PHIP: variants seen among roughly 807,000 people sequenced by gnomAD.
PHIP encodes PHIP subunit of CUL4-Ring ligase complex, also known as PH-interacting protein.
In PHIP, 54 loss-of-function variants were observed where a neutral mutation model predicts 236.8. The observed-to-expected ratio is 0.23, with a 90% confidence interval of 0.18 to 0.29. The LOEUF is 0.29. Ranked by LOEUF, PHIP falls within the 10% of genes least tolerant of loss-of-function variation. The probability of loss-of-function intolerance (pLI) is 1.00; values close to 1 mark genes in which losing one functional copy is unlikely to be tolerated. For synonymous variants in PHIP, 756 were observed against 718.9 expected (o/e 1.05, Z -0.83); for missense variants, 1,370 against 2,190.8 (o/e 0.63, Z 7.48).
intron 25 of PHIP, 138 bp from the exon 26 acceptor site, chr6:78,970,311 T>G (rs535705200): frequency 1.5e-6 from 1 of 665,164 alleles, no homozygotes; most frequent in Admixed American, 3.0e-5. Flanking sequence ...AAAAATTCAC[T>G]GAGCTCTGTA....
intron 15 of PHIP, among the ~76,000 whole-genome samples, chr6:79,005,390 G>A (rs1008864038): frequency 9.2e-5 from 14 of 151,732 alleles, no homozygotes; most frequent in Admixed American, 8.5e-4. Context: ...AAGACTATAA[G>A]TACAAATTCA....
At chr6:78,971,022 T>C (rs1767502711) in intron 24 of PHIP, 134 bp from the exon 25 acceptor site, 1 of 618,036 alleles carries the variant, frequency 1.6e-6, no homozygotes, top group South Asian at 2.1e-5. Context: ...TTCTCCCTCC[T>C]CCTTTCTCTC....
chr6:79,078,131 T>C lies in PHIP; in HGVS notation c.-63A>G. On this transcript the variant is annotated 5_prime_UTR_variant, in exon 1 of 40. Coordinates refer to ENST00000275034, the MANE Select transcript of PHIP (RefSeq NM_017934.7). ...CGCCGCCGAGGGGAAGCGGGGACGG[T>C]GCCGCCGCCTGCCCTATAGCTGTCA... is the stretch of plus-strand genomic sequence containing the variant. 4.6e-6 allele frequency: 7 copies of C among 1,513,902 alleles called. No individual in the cohort carries two copies. Among genetic ancestry groups the C allele is most frequent in the African/African-American group, 1.4e-5 (1 of 72,608 alleles). 93.8% of individuals were successfully genotyped at this position (1,513,902 alleles called of 1,614,324 possible).
chr6:79,067,472 GTTATA>G (rs1773679146), intron 4 of PHIP, among the ~76,000 whole-genome samples: 1 of 152,122 alleles, frequency 6.6e-6, no homozygotes, highest in East Asian at 1.9e-4. Context: ...AAAATATCAT[GTTATA>G]TTATTTAGAG....
intron 17 of PHIP, among the ~76,000 whole-genome samples, chr6:79,000,860 C>A (rs1769940943): frequency 6.6e-6 from 1 of 152,090 alleles, no homozygotes; most frequent in Non-Finnish European, 1.5e-5. Context: ...GGAGTAGCAG[C>A]AGGAATGATT....
chr6:79,075,067 T>C (rs767682760), intron 4 of PHIP, among the ~76,000 whole-genome samples: 1 of 152,158 alleles, frequency 6.6e-6, no homozygotes, highest in Non-Finnish European at 1.5e-5. Flanking sequence ...CAACTCGATA[T>C]ACAACAACGT....
intron 10 of PHIP, among the ~76,000 whole-genome samples, chr6:79,018,884 T>C (rs1430894199): frequency 6.6e-6 from 1 of 152,000 alleles, no homozygotes; most frequent in African/African-American, 2.4e-5. Flanking sequence ...AAAACAGTCA[T>C]GTGATTATAT....
chr6:79,052,277 A>G (rs1772833396), intron 6 of PHIP, among the ~76,000 whole-genome samples: 2 of 152,344 alleles, frequency 1.3e-5, no homozygotes, highest in South Asian at 4.1e-4. Flanking sequence ...ATGTGAGCGC[A>G]GCATATTCCA....
At chr6:78,946,988 GT>G (rs1773856725) in intron 36 of PHIP, 114 bp from the exon 37 acceptor site, 2 of 571,336 alleles carry the variant, frequency 3.5e-6, no homozygotes, top group Non-Finnish European at 5.9e-6. Flanking sequence ...TTTAATTATT[GT>G]TTTTTACATC....
In PHIP at chr6:78,975,739, CAGAG is replaced by C. The variant is rs1253738668; in HGVS notation, c.2889+2849_2889+2852del. 2.6e-5 allele frequency among the ~76,000 whole-genome samples: 4 copies of C among 152,076 alleles called. No homozygotes were observed. In the South Asian group the frequency reaches 6.2e-4, roughly 24 times the overall value. ...TTCCTATACACCAACAACGGACAAA[CAGAG>C]AGCCAAATCATGAGTGAACTCCCAT... On this transcript the variant is annotated intron_variant, in intron 24 of 39. Transcript: ENST00000275034.
chr6:78,970,456 T>C (rs185452897), intron 25 of PHIP, among the ~76,000 whole-genome samples: 278 of 152,270 alleles, frequency 1.8e-3, no homozygotes, highest in Non-Finnish European at 3.4e-3. Flanking sequence ...CAAAGACCTA[T>C]TGGTAACTGA....
chr6:78,957,002 A>G (rs892588255), intron 32 of PHIP: 2 of 152,090 alleles, frequency 1.3e-5, no homozygotes, highest in Non-Finnish European at 2.9e-5. Flanking sequence ...AATTTCAAGG[A>G]ATACTTAATA....
At chr6:79,027,796 A>C (rs572571569) in intron 7 of PHIP, among the ~76,000 whole-genome samples, 2 of 152,212 alleles carry the variant, frequency 1.3e-5, no homozygotes, top group East Asian at 3.9e-4. Flanking sequence ...ATAGAGTCTC[A>C]CGCAAGAAGA....
In PHIP at chr6:78,977,338, G is replaced by T. The variant is rs1315135578; in HGVS notation, c.2889+1254C>A. Among the ~76,000 whole-genome samples, 3 of 151,510 alleles carry T rather than the reference G, an allele frequency of 2.0e-5. No individual in the cohort carries two copies. In the East Asian group the frequency reaches 5.9e-4, roughly 30 times the overall value. On this transcript the variant is annotated intron_variant, in intron 24 of 39. Coordinates refer to ENST00000275034, the MANE Select transcript of PHIP (RefSeq NM_017934.7). ...GGGAATTGAACAATGAGATCACATG[G>T]ACACAGGAAGGGGAACATCACACTC...
intron 15 of PHIP, among the ~76,000 whole-genome samples, chr6:79,008,253 T>C (rs1365022464): frequency 6.6e-6 from 1 of 152,150 alleles, no homozygotes; most frequent in Non-Finnish European, 1.5e-5. Flanking sequence ...AAATAGTTAT[T>C]GCATGGCTGT....
At chr6:78,946,664 G>T (rs1033726866) in intron 37 of PHIP, 47 bp downstream of exon 37, 3 of 1,486,120 alleles carry the variant, frequency 2.0e-6, no homozygotes, top group Non-Finnish European at 2.7e-6. Context: ...CTATCATTTA[G>T]ATGAAAGTTA....
chr6:79,001,290 ATTC>A (rs1769976614), intron 17 of PHIP, among the ~76,000 whole-genome samples: 3 of 151,998 alleles, frequency 2.0e-5, no homozygotes, highest in Admixed American at 2.0e-4. Flanking sequence ...CTCTCATTTA[ATTC>A]TTCAACACTC....
intron 35 of PHIP, among the ~76,000 whole-genome samples, chr6:78,954,475 T>C (rs929475628): frequency 5.9e-5 from 9 of 152,114 alleles, no homozygotes; most frequent in African/African-American, 2.2e-4. Flanking sequence ...TATTCTTTTT[T>C]TCTAGATAAT....
chr6:78,946,635 TA>T, intron 37 of PHIP, 75 bp downstream of exon 37: 1 of 1,471,640 alleles, frequency 6.8e-7, no homozygotes, highest in Non-Finnish European at 8.9e-7. Context: ...GTAAAGGAAG[TA>T]TTAAAAAACA....
Sources: allele counts gnomAD v4.1 joint callset (sites outside exome capture counted in the v4.1 genomes callset), GRCh38; gene constraint gnomAD v4.1.1; transcripts MANE v1.5; gene names NCBI Gene and HGNC (gene_info 2026-07-23, HGNC 2026-07-21).